Variants in KIF26B observed in about 807,000 individuals in gnomAD.
KIF26B encodes kinesin family member 26B.
In KIF26B, 63 loss-of-function variants were observed where a neutral mutation model predicts 151.2. That is an observed-to-expected ratio of 0.42 (90% CI 0.34 to 0.51). The LOEUF (loss-of-function observed/expected upper bound fraction) is 0.51, where lower values mean the gene tolerates loss of function less well. Ranked by LOEUF, KIF26B falls within the 20% of genes least tolerant of loss-of-function variation. The pLI is 0.07. For synonymous variants in KIF26B, 1,357 were observed against 1,262.1 expected (o/e 1.08, Z -1.59); for missense variants, 2,813 against 2,913.6 (o/e 0.97, Z 0.79).
At chr1:245,524,232 G>A (rs1661190535) in intron 4 of KIF26B, among the ~76,000 whole-genome samples, 1 of 152,192 alleles carries the variant, frequency 6.6e-6, no homozygotes, top group Non-Finnish European at 1.5e-5. Context: ...CTCCCACTGT[G>A]TGCAGATCAT....
At chr1:245,237,302 C>A (rs963745002) in intron 2 of KIF26B, among the ~76,000 whole-genome samples, 1 of 152,172 alleles carries the variant, frequency 6.6e-6, no homozygotes, top group African/African-American at 2.4e-5. Context: ...AATGTTTAAC[C>A]TCCCTTCTCT....
intron 10 of KIF26B, among the ~76,000 whole-genome samples, chr1:245,666,005 T>G (rs1323078368): frequency 1.4e-5 from 2 of 145,596 alleles, no homozygotes; most frequent in Non-Finnish European, 3.0e-5. Context: ...TGTCCTTTTT[T>G]TTTTTTTTTT....
At chr1:245,213,280 C>G (rs1326884152) in intron 2 of KIF26B, among the ~76,000 whole-genome samples, 1 of 152,214 alleles carries the variant, frequency 6.6e-6, no homozygotes, top group Non-Finnish European at 1.5e-5. Context: ...ATGACCACTT[C>G]AGGCCATCTG....
intron 2 of KIF26B, among the ~76,000 whole-genome samples, chr1:245,248,402 T>C (rs1670376322): frequency 6.6e-6 from 1 of 152,172 alleles, no homozygotes; most frequent in Non-Finnish European, 1.5e-5. Flanking sequence ...AGAGTTGCAT[T>C]CTGCTTCCGT....
chr1:245,501,743 A>G (rs1465120958), intron 4 of KIF26B, among the ~76,000 whole-genome samples: 1 of 152,238 alleles, frequency 6.6e-6, no homozygotes, highest in African/African-American at 2.4e-5. Context: ...TTAGAGGCAT[A>G]TAGCAGTCTG....
At chr1:245,605,094 G>A (rs1161736737) in intron 6 of KIF26B, among the ~76,000 whole-genome samples, 2 of 152,200 alleles carry the variant, frequency 1.3e-5, no homozygotes, top group East Asian at 1.9e-4. Flanking sequence ...CCTCAGGCGA[G>A]TCACTCAACC....
chr1:245,550,523 A>G (rs1340827068), intron 5 of KIF26B, among the ~76,000 whole-genome samples: 1 of 152,206 alleles, frequency 6.6e-6, no homozygotes, highest in Non-Finnish European at 1.5e-5. Flanking sequence ...CACTACATTT[A>G]GGACCCTTTC....
Position 245,564,420 on chromosome 1 carries a change from G to C in KIF26B, c.1350+23470G>C, listed in dbSNP as rs925802737. Among the ~76,000 whole-genome samples the C allele has an allele frequency of 7.2e-5, 11 of 152,164 alleles. No individual in the cohort carries two copies. The highest frequency in any genetic ancestry group is 1.3e-4 in the Non-Finnish European group (9 of 68,040). ...GCCGTGTTTGCATTTTCTGAACCCA[G>C]GATGGTGCCACTGTGGTTTGTTCTC... On this transcript the variant is annotated intron_variant, in intron 5 of 14. Coordinates refer to ENST00000407071, the MANE Select transcript of KIF26B (RefSeq NM_018012.4). The surrounding 1 kb of genome is among the most constrained non-coding windows in gnomAD (Gnocchi z 4.6).
Position 245,540,731 on chromosome 1 carries a change from A to G in KIF26B, c.1167-36A>G, listed in dbSNP as rs117186245. The G allele has an allele frequency of 9.1e-5, 143 of 1,576,764 alleles. 2 individuals carry two copies. The East Asian group carries it at 2.3e-3, about 25-fold the overall frequency. ...TAAGCCTAGCAGATCTGATCGTACA[A>G]TCATTTTCCCCTTATTGTTCCTTTT... On this transcript the variant is annotated intron_variant, in intron 4 of 14. Transcript: ENST00000407071. The surrounding 1 kb of genome is among the most constrained non-coding windows in gnomAD (Gnocchi z 4.6).
At chr1:245,609,100 C>A (rs2043489619) in intron 7 of KIF26B, among the ~76,000 whole-genome samples, 166 bp from the exon 8 acceptor site, 1 of 152,102 alleles carries the variant, frequency 6.6e-6, no homozygotes, top group Non-Finnish European at 1.5e-5. Flanking sequence ...CAGAAAATGC[C>A]TTCTGTTGTT....
In KIF26B at chr1:245,708,970, T is replaced by C. The variant is rs1400667840; in HGVS notation, c.*6364T>C. On this transcript the variant is annotated 3_prime_UTR_variant, in exon 15 of 15. Coordinates refer to ENST00000407071, the MANE Select transcript of KIF26B (RefSeq NM_018012.4). The stretch of plus-strand genomic sequence containing the variant: ...TGTTTTACAATTCAATGGTAGTGCT[T>C]AATGTTACTGTCTGAAATCCACTGT... 6.6e-6 allele frequency: 1 copy of C among 152,238 alleles called. No individual in the cohort carries two copies. Among genetic ancestry groups the C allele is most frequent in the Non-Finnish European group, 1.5e-5 (1 of 68,038 alleles). 9.4% of individuals were successfully genotyped at this position (152,238 alleles called of 1,614,324 possible).
intron 4 of KIF26B, among the ~76,000 whole-genome samples, chr1:245,502,105 T>A (rs1159331368): frequency 6.6e-6 from 1 of 152,254 alleles, no homozygotes; most frequent in African/African-American, 2.4e-5. Flanking sequence ...GTTTTAGAAC[T>A]ACTTTATATG....
At chr1:245,599,541 C>T (rs1360899651) in intron 5 of KIF26B, among the ~76,000 whole-genome samples, 2 of 152,222 alleles carry the variant, frequency 1.3e-5, no homozygotes, top group South Asian at 2.1e-4. Flanking sequence ...TGGCTGAGCT[C>T]ATATTTTACA....
chr1:245,546,220 GT>G (rs1295064451), intron 5 of KIF26B, among the ~76,000 whole-genome samples: 5 of 151,196 alleles, frequency 3.3e-5, no homozygotes, highest in African/African-American at 1.2e-4. Context: ...TGTTTTTTTT[GT>G]TTTTTGTTTT....
chr1:245,211,502 ATCC>A (rs1246460770), intron 2 of KIF26B, among the ~76,000 whole-genome samples: 2 of 151,852 alleles, frequency 1.3e-5, no homozygotes, highest in Admixed American at 1.3e-4. Context: ...GACTCAAGCA[ATCC>A]TCCTGCCTCA....
Position 245,702,325 on chromosome 1 carries a change from T to C in KIF26B, c.6179-133T>C, listed in dbSNP as rs1424386344. 24 of 843,722 alleles carry C rather than the reference T, an allele frequency of 2.8e-5. No homozygotes were observed. The East Asian group carries it at 5.8e-4, about 20-fold the overall frequency. The allele number at this position is 843,722 out of a possible 1,614,324, so 52.3% of individuals were successfully genotyped here. A position where few individuals can be genotyped will look rare whatever the true frequency, so the allele number is the denominator to read the frequency against. On this transcript the variant is annotated intron_variant, in intron 14 of 14. Transcript: ENST00000407071. This position sits in a 1 kb window ranked among gnomAD's most constrained non-coding sequence, Gnocchi z 4.1. ...AATCAGGCAGGAGGGAACTCTGCAG[T>C]GGCCTAAGGCAAGCGAACTAGACCT... is the stretch of plus-strand genomic sequence containing the variant.
rs777619983 is a variant in KIF26B at position 245,609,433 on chromosome 1, C to T, written c.1819C>T (p.Leu607=). 1 of 1,607,390 alleles carries T rather than the reference C, an allele frequency of 6.2e-7. No individual in the cohort carries two copies. Among genetic ancestry groups the T allele is most frequent in the Non-Finnish European group, 8.5e-7 (1 of 1,177,036 alleles). The part of the protein sequence containing the change: ...AVEVWGKEEN[L]RDLLSEVATG... ...GGAAGTGTGGGGGAAGGAGGAGAAC[C>T]TGCGGGACCTGCTGTCGGAGGTGGC... Residue 607 remains leucine, a synonymous_variant, in exon 8 of 15, where the codon CTG becomes TTG. Coordinates refer to ENST00000407071, the MANE Select transcript of KIF26B (RefSeq NM_018012.4).
intron 2 of KIF26B, among the ~76,000 whole-genome samples, chr1:245,172,220 G>A (rs1558333094): frequency 1.3e-5 from 2 of 152,130 alleles, no homozygotes; most frequent in Non-Finnish European, 2.9e-5. Flanking sequence ...GTCTGGTGGG[G>A]GGGGTGGGTA....
intron 3 of KIF26B, among the ~76,000 whole-genome samples, chr1:245,387,168 G>GTTT (rs11453729): frequency 1.1e-4 from 16 of 140,106 alleles, no homozygotes; most frequent in Middle Eastern, 3.6e-3. Flanking sequence ...TTTGTTTTTT[G>GTTT]TTTTTTGTTT....
Sources: allele counts gnomAD v4.1 joint callset (sites outside exome capture counted in the v4.1 genomes callset), GRCh38; gene constraint gnomAD v4.1.1; non-coding constraint Gnocchi (gnomAD v3.1); transcripts MANE v1.5; gene names NCBI Gene and HGNC (gene_info 2026-07-23, HGNC 2026-07-21).